RPN2: variants seen among roughly 807,000 people sequenced by gnomAD.
RPN2 encodes the protein ribophorin II.
Under a neutral mutation model 71.4 loss-of-function variants are expected in RPN2, and 29 were observed. The observed-to-expected ratio is 0.41, with a 90% CI of 0.30 to 0.55. The LOEUF (loss-of-function observed/expected upper bound fraction) is 0.55. Ranked by LOEUF, RPN2 falls within the 20% of genes least tolerant of loss-of-function variation. The pLI, the probability that RPN2 is intolerant of heterozygous loss-of-function variation, is 0.35. For synonymous variants in RPN2, 308 were observed against 305.0 expected (o/e 1.01, Z -0.10); for missense variants, 726 against 774.1 (o/e 0.94, Z 0.74).
At chr20:37,192,228 A>G (rs577192219) in intron 2 of RPN2, among the ~76,000 whole-genome samples, 1 of 152,304 alleles carries the variant, frequency 6.6e-6, no homozygotes, top group Non-Finnish European at 1.5e-5. Context: ...TAGTAAGTAT[A>G]TTTGTTTGTG....
chr20:37,240,925 T>C (rs1016097642), intron 16 of RPN2, among the ~76,000 whole-genome samples: 2 of 152,248 alleles, frequency 1.3e-5, no homozygotes, highest in African/African-American at 4.8e-5. Flanking sequence ...AGATTGATGA[T>C]GAGCATTATT....
chr20:37,201,381 C>T (rs551923445), intron 4 of RPN2, among the ~76,000 whole-genome samples: 2 of 147,782 alleles, frequency 1.4e-5, no homozygotes, highest in Admixed American at 6.9e-5. Context: ...AACTCTTGGG[C>T]GTGAGCGATT....
intron 4 of RPN2, among the ~76,000 whole-genome samples, chr20:37,200,880 A>G (rs995444937): frequency 1.3e-5 from 2 of 152,128 alleles, no homozygotes; most frequent in African/African-American, 4.8e-5. Flanking sequence ...TCTACAAAAA[A>G]AATTCCCATT....
intron 4 of RPN2, among the ~76,000 whole-genome samples, chr20:37,202,264 C>T (rs185306112): frequency 8.3e-4 from 126 of 152,284 alleles, no homozygotes; most frequent in African/African-American, 2.8e-3. Flanking sequence ...TTCATTTTCT[C>T]AAGTGTATGA....
intron 8 of RPN2, among the ~76,000 whole-genome samples, chr20:37,211,717 A>T (rs780146205): frequency 6.6e-6 from 1 of 150,510 alleles, no homozygotes; most frequent in Non-Finnish European, 1.5e-5. Context: ...TATAGGATTA[A>T]ATATTCTTTT....
At chr20:37,219,127 A>G (rs1336637793) in intron 9 of RPN2, among the ~76,000 whole-genome samples, 2 of 152,146 alleles carry the variant, frequency 1.3e-5, no homozygotes, top group East Asian at 3.9e-4. Flanking sequence ...ACCATTTTAC[A>G]TTTCTACCAG....
intron 16 of RPN2, among the ~76,000 whole-genome samples, chr20:37,237,339 G>C (rs2068426773): frequency 2.0e-5 from 3 of 152,138 alleles, no homozygotes; most frequent in Admixed American, 2.0e-4. Context: ...ATGTCACAAA[G>C]GTGTTTCTCA....
chr20:37,196,399 T>C (rs1231673972), intron 2 of RPN2, among the ~76,000 whole-genome samples: 1 of 152,114 alleles, frequency 6.6e-6, no homozygotes, highest in African/African-American at 2.4e-5. Context: ...CCAGCTAATT[T>C]TGTTTTTGTG....
chr20:37,234,296 A>G (rs1048210609), intron 15 of RPN2, among the ~76,000 whole-genome samples: 1 of 152,238 alleles, frequency 6.6e-6, no homozygotes, highest in Admixed American at 6.5e-5. Context: ...CTGTCATTAT[A>G]TTGGGCTTTG....
chr20:37,197,046 C>G (rs1271332877), intron 2 of RPN2, among the ~76,000 whole-genome samples: 1 of 152,050 alleles, frequency 6.6e-6, no homozygotes. Flanking sequence ...GCAGGAAGGA[C>G]AAGGAAAAGG....
intron 2 of RPN2, among the ~76,000 whole-genome samples, chr20:37,189,693 T>C (rs2146529815): frequency 6.6e-6 from 1 of 152,294 alleles, no homozygotes; most frequent in East Asian, 1.9e-4. Flanking sequence ...TCAGAGTCAG[T>C]TAACTCAAGC....
chr20:37,194,969 T>C (rs2067223329), intron 2 of RPN2, among the ~76,000 whole-genome samples: 1 of 152,054 alleles, frequency 6.6e-6, no homozygotes, highest in South Asian at 2.1e-4. Context: ...GGCCTCCGTA[T>C]TTGATTAGGT....
Position 37,210,178 on chromosome 20 carries a change from C to A in RPN2, c.986+13C>A. 1 of 1,613,516 alleles carries A rather than the reference C, an allele frequency of 6.2e-7. No homozygotes were observed. Reference sequence around the variant, plus strand: ...TCACCCCTGTAGGGTAAGTCCTGATCATATTTTGGTGGGGCGCTGACCTCT... The same window carrying A: ...TCACCCCTGTAGGGTAAGTCCTGATAATATTTTGGTGGGGCGCTGACCTCT... On this transcript the variant is annotated intron_variant, in intron 8 of 16. Transcript: ENST00000237530.
chr20:37,241,151 C>T (rs897028881), intron 16 of RPN2, 152 bp from the exon 17 acceptor site: 5 of 883,996 alleles, frequency 5.7e-6, no homozygotes, highest in Non-Finnish European at 9.2e-6. Context: ...ATGGGGCATA[C>T]ATAAATAGAC....
chr20:37,186,128 C>T (rs371472008), intron 2 of RPN2, among the ~76,000 whole-genome samples: 1 of 152,356 alleles, frequency 6.6e-6, no homozygotes. Flanking sequence ...CTCTGACTTC[C>T]TCTTCAGCCA....
intron 1 of RPN2, among the ~76,000 whole-genome samples, chr20:37,180,571 T>G (rs758486082): frequency 6.6e-6 from 1 of 152,208 alleles, no homozygotes; most frequent in Non-Finnish European, 1.5e-5. Context: ...GGGAAAATGC[T>G]AGTCGCAGCC....
intron 5 of RPN2, 72 bp from the exon 6 acceptor site, chr20:37,204,695 G>T: frequency 6.5e-7 from 1 of 1,534,182 alleles, no homozygotes; most frequent in Admixed American, 1.7e-5. Flanking sequence ...CTGCAGTGGG[G>T]TTGACAGTGG....
At chr20:37,217,142 G>C (rs1488997558) in intron 9 of RPN2, among the ~76,000 whole-genome samples, 1 of 150,888 alleles carries the variant, frequency 6.6e-6, no homozygotes, top group East Asian at 1.9e-4. Context: ...ATGTTGCCCA[G>C]GCTGCTCTCG....
chr20:37,188,085 C>T (rs2067052390), intron 2 of RPN2, among the ~76,000 whole-genome samples: 1 of 151,998 alleles, frequency 6.6e-6, no homozygotes, highest in African/African-American at 2.4e-5. Flanking sequence ...TATTATTTTG[C>T]CATGTCACAA....
Sources: gnomAD v4.1 joint callset for allele counts (sites outside exome capture counted in the v4.1 genomes callset) on GRCh38, gnomAD v4.1.1 for gene constraint, MANE v1.5 for transcripts, NCBI Gene and HGNC (gene_info 2026-07-23, HGNC 2026-07-21) for gene names.